Variants in PDE11A observed in about 807,000 individuals in gnomAD.
The protein encoded by PDE11A is phosphodiesterase 11A.
PDE11A carries 100 observed loss-of-function variants against 100.5 expected under a neutral mutation model. The ratio of observed to expected loss-of-function variants is 1.00; its 90% confidence interval spans 0.85 to 1.18. The LOEUF is 1.18. Ranked by LOEUF, PDE11A falls within the 50% of genes most tolerant of loss-of-function variation. The pLI is 0.00. For missense variants in PDE11A, 1,141 were observed against 1,152.6 expected, an observed-to-expected ratio of 0.99 and a Z score of 0.15; for synonymous variants, 381 against 420.8, an observed-to-expected ratio of 0.91 and a Z score of 1.16.
chr2:178,087,980 A>C (rs2087379658), intron 2 of PDE11A, among the ~76,000 whole-genome samples: 1 of 151,688 alleles, frequency 6.6e-6, no homozygotes, highest in Admixed American at 6.6e-5. Context: ...AAAATGAGAG[A>C]CCTGGCCCAA....
chr2:177,740,135 A>G (rs2081851922), intron 10 of PDE11A, among the ~76,000 whole-genome samples: 1 of 152,260 alleles, frequency 6.6e-6, no homozygotes, highest in Non-Finnish European at 1.5e-5. Context: ...CCACACAGAC[A>G]AACATTTGAA....
chr2:177,635,132 T>G (rs531520249), intron 19 of PDE11A, among the ~76,000 whole-genome samples: 14 of 152,212 alleles, frequency 9.2e-5, no homozygotes, highest in Non-Finnish European at 1.9e-4. Context: ...ATTTAGTTTT[T>G]GATTGTTCTG....
chr2:177,788,120 T>C (rs975683162), intron 9 of PDE11A, among the ~76,000 whole-genome samples: 14 of 151,920 alleles, frequency 9.2e-5, no homozygotes, highest in African/African-American at 2.9e-4. Flanking sequence ...TATTCCAAAA[T>C]TGACCACATA....
At chr2:177,770,794 T>A (rs973965800) in intron 9 of PDE11A, among the ~76,000 whole-genome samples, 1 of 152,220 alleles carries the variant, frequency 6.6e-6, no homozygotes, top group Non-Finnish European at 1.5e-5. Flanking sequence ...ATAGCATATG[T>A]ATGTTATATG....
At position 178,025,507 on chromosome 2, in the gene PDE11A, G is replaced by A. The variant is rs1312168989; in HGVS notation, c.913-11047C>T. ...TTAGTTGGCACTTTTCTTTGGTCCT[G>A]TCTTATCATCATGATTATTATTATT... On this transcript the variant is annotated intron_variant, in intron 1 of 19. Transcript: ENST00000286063. 2.6e-5 allele frequency among the ~76,000 whole-genome samples: 4 copies of A among 152,112 alleles called. No individual in the cohort carries two copies. In the East Asian group the frequency reaches 7.7e-4, roughly 29 times the overall value.
intron 19 of PDE11A, among the ~76,000 whole-genome samples, chr2:177,646,743 T>C (rs951496159): frequency 5.9e-5 from 9 of 152,260 alleles, no homozygotes; most frequent in Admixed American, 5.9e-4. Flanking sequence ...GAGGTCTTGC[T>C]GAGTAAAGAA....
At chr2:177,892,384 G>C (rs943340328) in intron 4 of PDE11A, among the ~76,000 whole-genome samples, 4 of 152,082 alleles carry the variant, frequency 2.6e-5, no homozygotes, top group Non-Finnish European at 5.9e-5. Flanking sequence ...TGTTATATAT[G>C]TGGATTGAAT....
intron 1 of PDE11A, among the ~76,000 whole-genome samples, chr2:178,021,611 A>G (rs1478083282): frequency 1.3e-5 from 2 of 152,224 alleles, no homozygotes; most frequent in East Asian, 3.8e-4. Flanking sequence ...GAAATTAAAA[A>G]ATAGATTTAA....
chr2:178,035,854 A>C (rs1574357662), intron 1 of PDE11A, among the ~76,000 whole-genome samples: 1 of 152,170 alleles, frequency 6.6e-6, no homozygotes, highest in East Asian at 1.9e-4. Context: ...TCAGTAAACT[A>C]GGTATTGATG....
intron 13 of PDE11A, among the ~76,000 whole-genome samples, chr2:177,711,268 T>C (rs911372550): frequency 2.6e-5 from 4 of 152,268 alleles, no homozygotes; most frequent in Non-Finnish European, 5.9e-5. Context: ...GAGTAGGGAA[T>C]GGGAGGAGCA....
At chr2:177,907,467 T>C (rs2084808483) in intron 2 of PDE11A, among the ~76,000 whole-genome samples, 1 of 152,250 alleles carries the variant, frequency 6.6e-6, no homozygotes, top group Non-Finnish European at 1.5e-5. Context: ...TCAGGGATGA[T>C]GTTAAGCATT....
intron 2 of PDE11A, chr2:177,997,416 C>G (rs1340446914): frequency 1.2e-6 from 1 of 829,364 alleles, no homozygotes; most frequent in East Asian, 2.4e-5. Flanking sequence ...TGCCCAATCT[C>G]AACCTTTTAT....
chr2:177,891,359 A>T (rs1180615660), intron 4 of PDE11A, among the ~76,000 whole-genome samples: 1 of 152,154 alleles, frequency 6.6e-6, no homozygotes, highest in Admixed American at 6.5e-5. Context: ...AAGTTCCCAT[A>T]TCAGTAATGA....
At chr2:178,014,512 G>A in intron 1 of PDE11A, 52 bp from the exon 2 acceptor site, 1 of 1,439,632 alleles carries the variant, frequency 6.9e-7, no homozygotes, top group Non-Finnish European at 9.7e-7. Flanking sequence ...TTGTCAGGGA[G>A]AAGGAGAGAG....
At chr2:177,854,424 T>C (rs1168988383) in intron 5 of PDE11A, among the ~76,000 whole-genome samples, 2 of 152,096 alleles carry the variant, frequency 1.3e-5, no homozygotes, top group African/African-American at 4.8e-5. Context: ...ACAACTTCAT[T>C]ACCAAGGCTT....
intron 10 of PDE11A, among the ~76,000 whole-genome samples, chr2:177,734,483 G>T (rs932273934): frequency 4.6e-5 from 7 of 151,748 alleles, no homozygotes; most frequent in African/African-American, 1.7e-4. Flanking sequence ...CTCCAGCCTG[G>T]GTAACACAGC....
intron 2 of PDE11A, among the ~76,000 whole-genome samples, chr2:177,995,391 A>T (rs1210754700): frequency 1.3e-5 from 2 of 152,196 alleles, no homozygotes; most frequent in Admixed American, 1.3e-4. Flanking sequence ...ATGCATGTGC[A>T]GTAATTCTAA....
At chr2:177,705,822 C>T (rs1156977436) in intron 13 of PDE11A, among the ~76,000 whole-genome samples, 2 of 151,964 alleles carry the variant, frequency 1.3e-5, no homozygotes, top group Non-Finnish European at 1.5e-5. Flanking sequence ...GGGACCTGGC[C>T]GAAAGCGACA....
upstream of PDE11A, among the ~76,000 whole-genome samples, chr2:178,077,523 T>A (rs1413836243): frequency 1.3e-5 from 2 of 152,108 alleles, no homozygotes; most frequent in Non-Finnish European, 2.9e-5. Flanking sequence ...AATTCAAGCC[T>A]TCATTATCTG....
Sources: allele counts gnomAD v4.1 joint callset (sites outside exome capture counted in the v4.1 genomes callset), GRCh38; gene constraint gnomAD v4.1.1; transcripts MANE v1.5; gene names NCBI Gene and HGNC (gene_info 2026-07-23, HGNC 2026-07-21).